The following CEP63 variants were observed in gnomAD, a reference collection of about 807,000 sequenced individuals.
CEP63 encodes the protein centrosomal protein of 63 kDa.
In CEP63, 84 loss-of-function variants were observed where a neutral mutation model predicts 89.1. The ratio of observed to expected loss-of-function variants is 0.94; its 90% CI spans 0.79 to 1.13. The LOEUF (loss-of-function observed/expected upper bound fraction) is 1.13. Ranked by LOEUF, CEP63 falls within the 50% of genes most tolerant of loss-of-function variation. The probability of loss-of-function intolerance (pLI) is 0.00; values close to 1 mark genes in which losing one functional copy is unlikely to be tolerated. For synonymous variants in CEP63, 267 were observed against 272.5 expected (o/e 0.98, Z 0.20); for missense variants, 838 against 813.3 (o/e 1.03, Z -0.37).
the CEP63 span, among the ~76,000 whole-genome samples, chr3:134,684,865 T>C: frequency 6.6e-6 from 1 of 152,172 alleles, no homozygotes; most frequent in Non-Finnish European, 1.5e-5. Context: ...CTGACAGTTG[T>C]CAGAAGGATC....
chr3:134,567,050 T>G (rs993778416), downstream of CEP63, among the ~76,000 whole-genome samples: 14 of 152,074 alleles, frequency 9.2e-5, no homozygotes, highest in Non-Finnish European at 2.1e-4. Context: ...AAACAAAATG[T>G]ATATCCATGT....
chr3:134,755,359 C>T, the CEP63 span, among the ~76,000 whole-genome samples: 2 of 152,206 alleles, frequency 1.3e-5, no homozygotes, highest in Admixed American at 6.5e-5. Context: ...AATGGCGCCA[C>T]AGCTCTCAGG....
At chr3:134,695,956 C>G in the CEP63 span, among the ~76,000 whole-genome samples, 2 of 152,226 alleles carry the variant, frequency 1.3e-5, no homozygotes, top group Admixed American at 1.3e-4. Context: ...TTAAGTAGAA[C>G]AACTTGCCTA....
chr3:134,693,720 G>T, the CEP63 span, among the ~76,000 whole-genome samples: 5 of 152,160 alleles, frequency 3.3e-5, no homozygotes, highest in South Asian at 2.1e-4. Flanking sequence ...TTCAGCCCAT[G>T]GTCACCAAAC....
chr3:134,612,159 T>C, the CEP63 span, among the ~76,000 whole-genome samples: 1 of 152,182 alleles, frequency 6.6e-6, no homozygotes, highest in Non-Finnish European at 1.5e-5. Context: ...TGCCTGTTGC[T>C]TCACAAAAGG....
the CEP63 span, among the ~76,000 whole-genome samples, chr3:134,659,989 C>T: frequency 3.3e-5 from 5 of 152,178 alleles, no homozygotes; most frequent in South Asian, 4.1e-4. Context: ...CAGGACAAGG[C>T]GAGCTGGACA....
chr3:134,613,336 A>C, the CEP63 span: 2 of 152,682 alleles, frequency 1.3e-5, no homozygotes, highest in Admixed American at 1.3e-4. Context: ...CCTGCCCTCA[A>C]GGGAGTGAAG....
the CEP63 span, among the ~76,000 whole-genome samples, chr3:134,716,369 G>T: frequency 1.3e-5 from 2 of 152,200 alleles, no homozygotes; most frequent in African/African-American, 4.8e-5. Flanking sequence ...TTGCTCTGTG[G>T]TCTGGCTCTT....
At chr3:134,681,340 C>G in the CEP63 span, among the ~76,000 whole-genome samples, 3 of 152,088 alleles carry the variant, frequency 2.0e-5, no homozygotes, top group African/African-American at 4.8e-5. Flanking sequence ...GGCCCAAGCA[C>G]AGACAGGAAG....
At chr3:134,618,426 G>A in the CEP63 span, among the ~76,000 whole-genome samples, 10 of 152,310 alleles carry the variant, frequency 6.6e-5, no homozygotes, top group Middle Eastern at 3.4e-3. Context: ...CACCCCCTGG[G>A]GAGGGGTTCT....
chr3:134,701,816 A>AT, the CEP63 span, among the ~76,000 whole-genome samples: 1 of 152,310 alleles, frequency 6.6e-6, no homozygotes, highest in East Asian at 1.9e-4. Flanking sequence ...ATAATCCTAT[A>AT]TCTAGAAAAC....
intron 3 of CEP63, among the ~76,000 whole-genome samples, chr3:134,518,411 A>T (rs1279714361): frequency 2.6e-5 from 4 of 152,210 alleles, no homozygotes; most frequent in Admixed American, 1.3e-4. Flanking sequence ...GCATGTCTCA[A>T]CATATTTCAG....
At chr3:134,699,959 C>G in the CEP63 span, among the ~76,000 whole-genome samples, 1 of 152,228 alleles carries the variant, frequency 6.6e-6, no homozygotes, top group Non-Finnish European at 1.5e-5. Context: ...AGGCTGGGCT[C>G]GTGGTGAGGC....
chr3:134,729,519 T>C, the CEP63 span, among the ~76,000 whole-genome samples: 332 of 152,338 alleles, frequency 2.2e-3, 10 homozygotes, highest in East Asian at 0.053. Context: ...AAGAAGTTTG[T>C]AGCTTGAGCA....
At chr3:134,607,591 A>T in the CEP63 span, 2 of 985,444 alleles carry the variant, frequency 2.0e-6, no homozygotes, top group Admixed American at 6.1e-5. Flanking sequence ...TGTGCCCAGC[A>T]CTGGATCAGG....
chr3:134,532,765 A>G lies in CEP63; in HGVS notation c.319-13A>G, dbSNP rs192213276. The G allele has an allele frequency of 1.3e-6, 2 of 1,591,416 alleles. No individual in the cohort carries two copies. The highest frequency in any genetic ancestry group is 2.7e-5 in the African/African-American group (2 of 74,528). On this transcript the variant is annotated splice_polypyrimidine_tract_variant and intron_variant, in intron 4 of 14. Coordinates refer to ENST00000675561, the MANE Select transcript of CEP63 (RefSeq NM_001353108.3). ...TTCTTAAACTTTAAATATAGAAATA[A>G]CTGTTTCTACAGTTATGCATACTGA... is the stretch of plus-strand genomic sequence containing the variant.
the CEP63 span, among the ~76,000 whole-genome samples, chr3:134,670,274 C>T: frequency 9.9e-5 from 15 of 152,040 alleles, no homozygotes; most frequent in East Asian, 1.9e-4. Flanking sequence ...CCAATATGAA[C>T]ACACTCTTCC....
intron 3 of CEP63, among the ~76,000 whole-genome samples, chr3:134,515,690 A>T (rs1256436627): frequency 1.3e-5 from 2 of 152,196 alleles, no homozygotes; most frequent in African/African-American, 4.8e-5. Context: ...ATAGGTCCTT[A>T]TGCGCTGCCA....
chr3:134,596,473 A>G, the CEP63 span, among the ~76,000 whole-genome samples: 1 of 152,154 alleles, frequency 6.6e-6, no homozygotes, highest in African/African-American at 2.4e-5. Context: ...AGCCCTCCCC[A>G]GGATGTGGCC....
Sources: gnomAD v4.1 joint callset for allele counts (sites outside exome capture counted in the v4.1 genomes callset) on GRCh38, gnomAD v4.1.1 for gene constraint, MANE v1.5 for transcripts, NCBI Gene and HGNC (gene_info 2026-07-23, HGNC 2026-07-21) for gene names.